The following IGBP1C variants were observed in gnomAD, a reference collection of about 807,000 sequenced individuals.
IGBP1C encodes the protein immunoglobulin-binding protein 1 family member C.
chr17:58,683,387 A>G, the IGBP1C span, among the ~76,000 whole-genome samples: 1 of 151,138 alleles, frequency 6.6e-6, no homozygotes, highest in African/African-American at 2.4e-5. Flanking sequence ...CCCAAAAAAA[A>G]AAGGAAATAT....
the IGBP1C span, among the ~76,000 whole-genome samples, chr17:58,685,952 A>G: frequency 7.2e-6 from 1 of 139,230 alleles, no homozygotes; most frequent in Non-Finnish European, 1.5e-5. Context: ...CCGAGATCAC[A>G]CCACCGCACT....
the IGBP1C span, among the ~76,000 whole-genome samples, chr17:58,665,138 A>G: frequency 1.3e-5 from 2 of 152,226 alleles, no homozygotes; most frequent in Middle Eastern, 6.8e-3. Flanking sequence ...GAACATTTTT[A>G]GTAGCTATAT....
chr17:58,680,900 T>C, the IGBP1C span, among the ~76,000 whole-genome samples: 1 of 152,310 alleles, frequency 6.6e-6, no homozygotes, highest in South Asian at 2.1e-4. Context: ...CCAAAATAAA[T>C]TAGCCAGAGT....
chr17:58,686,418 A>T, the IGBP1C span, among the ~76,000 whole-genome samples: 1 of 152,110 alleles, frequency 6.6e-6, no homozygotes. Context: ...GGTTCTGGGA[A>T]TGGGGTGAAG....
the IGBP1C span, among the ~76,000 whole-genome samples, chr17:58,684,681 A>C: frequency 2.7e-5 from 4 of 147,026 alleles, no homozygotes; most frequent in Non-Finnish European, 6.0e-5. Context: ...AAATAAATAA[A>C]AAGCTTTCTT....
At chr17:58,688,114 C>CT in the IGBP1C span, among the ~76,000 whole-genome samples, 2 of 151,992 alleles carry the variant, frequency 1.3e-5, no homozygotes, top group South Asian at 2.1e-4. Context: ...CAATTATAGA[C>CT]TTTTTTTGTT....
chr17:58,665,228 G>C, the IGBP1C span, among the ~76,000 whole-genome samples: 1 of 152,006 alleles, frequency 6.6e-6, no homozygotes, highest in South Asian at 2.1e-4. Flanking sequence ...CTGGTCTCAA[G>C]CCATCCTCCT....
the IGBP1C span, among the ~76,000 whole-genome samples, chr17:58,685,312 T>G: frequency 6.6e-6 from 1 of 151,798 alleles, no homozygotes; most frequent in Admixed American, 6.6e-5. Flanking sequence ...GGTGCACACC[T>G]GTAATCCCAG....
chr17:58,688,520 G>T, the IGBP1C span, among the ~76,000 whole-genome samples: 5 of 152,202 alleles, frequency 3.3e-5, no homozygotes, highest in Admixed American at 6.5e-5. Context: ...TTAGAATGCT[G>T]TAAAAACTGA....
the IGBP1C span, among the ~76,000 whole-genome samples, chr17:58,662,565 G>C: frequency 1.3e-5 from 2 of 152,112 alleles, no homozygotes; most frequent in African/African-American, 4.8e-5. Context: ...GTTCCCTTAC[G>C]TGTGGGGAAG....
the IGBP1C span, chr17:58,660,898 T>C: frequency 1.2e-6 from 1 of 824,866 alleles, no homozygotes; most frequent in Non-Finnish European, 2.2e-6. Flanking sequence ...TCTGGTGACA[T>C]GAGTTAGAAG....
chr17:58,690,445 C>G, the IGBP1C span, among the ~76,000 whole-genome samples: 2 of 152,180 alleles, frequency 1.3e-5, no homozygotes, highest in Non-Finnish European at 2.9e-5. Flanking sequence ...GGATTCCAGG[C>G]TTAAGCCACT....
chr17:58,667,810 G>T, the IGBP1C span, among the ~76,000 whole-genome samples: 31 of 151,926 alleles, frequency 2.0e-4, no homozygotes, highest in African/African-American at 7.5e-4. Context: ...GCTTGAACCC[G>T]GGAGGCGAAG....
At chr17:58,677,119 CAAA>C in the IGBP1C span, among the ~76,000 whole-genome samples, 3 of 78,624 alleles carry the variant, frequency 3.8e-5, no homozygotes, top group Non-Finnish European at 5.2e-5. Context: ...AACTCCGTCT[CAAA>C]AAAAAAAAAA....
At chr17:58,684,423 T>C in the IGBP1C span, among the ~76,000 whole-genome samples, 26 of 149,990 alleles carry the variant, frequency 1.7e-4, no homozygotes, top group Admixed American at 8.0e-4. Flanking sequence ...GATCACACCA[T>C]TGCACTCCAG....
the IGBP1C span, among the ~76,000 whole-genome samples, chr17:58,686,861 C>CTT: frequency 1.0e-3 from 75 of 71,540 alleles, 6 homozygotes; most frequent in East Asian, 2.8e-3. Flanking sequence ...GAAAGGTCAC[C>CTT]TTTTTTTTTT....
the IGBP1C span, among the ~76,000 whole-genome samples, chr17:58,674,472 C>T: frequency 3.3e-5 from 5 of 152,034 alleles, no homozygotes; most frequent in Non-Finnish European, 7.4e-5. Context: ...GAGTTCACAA[C>T]CAGCCTGGCC....
chr17:58,673,095 C>G, the IGBP1C span, among the ~76,000 whole-genome samples: 1 of 151,996 alleles, frequency 6.6e-6, no homozygotes, highest in East Asian at 1.9e-4. Flanking sequence ...TTCTCCATGA[C>G]AGTGGAGCCA....
At chr17:58,683,479 T>C in the IGBP1C span, among the ~76,000 whole-genome samples, 1 of 149,328 alleles carries the variant, frequency 6.7e-6, no homozygotes. Context: ...AGAGACAGAA[T>C]TGGCCAGGTG....
Sources: gnomAD v4.1 joint callset for allele counts (sites outside exome capture counted in the v4.1 genomes callset) on GRCh38, gnomAD v4.1.1 for gene constraint, MANE v1.5 for transcripts, NCBI Gene and HGNC (gene_info 2026-07-23, HGNC 2026-07-21) for gene names.